The following IPO7 variants were observed in gnomAD, a reference collection of about 807,000 sequenced individuals.
IPO7 encodes the protein importin 7.
Under a neutral mutation model 136.4 loss-of-function variants are expected in IPO7, and 13 were observed. The observed-to-expected ratio is 0.10, with a 90% CI of 0.06 to 0.15. The LOEUF (loss-of-function observed/expected upper bound fraction) is 0.15. Among genes scored for constraint, IPO7 ranks in the 10% least tolerant of loss-of-function variants. IPO7 has a pLI of 1.00. For synonymous variants in IPO7, 403 were observed against 404.4 expected (o/e 1.00, Z 0.04); for missense variants, 857 against 1,240.6 (o/e 0.69, Z 4.65).
At position 9,396,017 on chromosome 11, in the gene IPO7, C is replaced by T. The variant is rs573482762; in HGVS notation, c.85-7273C>T. Among the ~76,000 whole-genome samples, 3 of 152,202 alleles carry T rather than the reference C, an allele frequency of 2.0e-5. No individual in the cohort carries two copies. In the East Asian group the frequency reaches 5.8e-4, roughly 29 times the overall value. On this transcript the variant is annotated intron_variant, in intron 1 of 24. Coordinates refer to ENST00000379719, the MANE Select transcript of IPO7 (RefSeq NM_006391.3). The stretch of plus-strand genomic sequence containing the variant: ...GGATTACAGGCGTGAGCCACCATGC[C>T]TTGCTGAAAGTTATGCTTTTTTTCA...
Position 9,420,425 on chromosome 11 carries a change from T to TGAA in IPO7, c.747_749dup (p.Glu249dup). Reference sequence around the variant, plus strand: ...TCTTTTTAAAGGAAACACTTCAAGTTGAAGAAGATGATCGACCTGAGTTAC... The same window carrying TGAA: ...TCTTTTTAAAGGAAACACTTCAAGTTGAAGAAGAAGATGATCGACCTGAGTTAC... On this transcript the variant is annotated inframe_insertion, in exon 7 of 25. Coordinates refer to ENST00000379719, the MANE Select transcript of IPO7 (RefSeq NM_006391.3). 1 of 1,608,004 alleles carries TGAA rather than the reference T, an allele frequency of 6.2e-7. No individual in the cohort carries two copies. Among genetic ancestry groups the TGAA allele is most frequent in the Non-Finnish European group, 8.5e-7 (1 of 1,176,242 alleles).
intron 6 of IPO7, among the ~76,000 whole-genome samples, chr11:9,419,784 CTG>C (rs1403879850): frequency 6.6e-6 from 1 of 151,746 alleles, no homozygotes; most frequent in Non-Finnish European, 1.5e-5. Context: ...ACTTATATAT[CTG>C]AAACTAGATT....
intron 4 of IPO7, among the ~76,000 whole-genome samples, chr11:9,411,947 A>T (rs376986162): frequency 1.3e-5 from 2 of 152,318 alleles, no homozygotes; most frequent in East Asian, 3.9e-4. Context: ...TGGGTGATGG[A>T]CCTGTGATGC....
At chr11:9,390,831 G>A (rs942641696) in intron 1 of IPO7, among the ~76,000 whole-genome samples, 1 of 151,978 alleles carries the variant, frequency 6.6e-6, no homozygotes, top group African/African-American at 2.4e-5. Context: ...ATGCAGTGGC[G>A]CAGTCTTGGT....
intron 4 of IPO7, among the ~76,000 whole-genome samples, chr11:9,411,651 T>G (rs1854969705): frequency 6.6e-6 from 1 of 152,326 alleles, no homozygotes; most frequent in East Asian, 1.9e-4. Flanking sequence ...AAATTTTTTT[T>G]TAACAGAATA....
At chr11:9,387,961 A>G (rs1302124424) in intron 1 of IPO7, among the ~76,000 whole-genome samples, 1 of 148,714 alleles carries the variant, frequency 6.7e-6, no homozygotes, top group Non-Finnish European at 1.5e-5. Context: ...CAGCCTGACC[A>G]ACATGGAGAA....
At chr11:9,435,417 C>G (rs1855355719) in intron 19 of IPO7, among the ~76,000 whole-genome samples, 1 of 152,080 alleles carries the variant, frequency 6.6e-6, no homozygotes, top group Non-Finnish European at 1.5e-5. Context: ...AATGAATGTC[C>G]CCCTTTTGTT....
intron 1 of IPO7, among the ~76,000 whole-genome samples, chr11:9,393,723 C>A (rs1854669494): frequency 6.6e-6 from 1 of 151,624 alleles, no homozygotes; most frequent in Admixed American, 6.6e-5. Context: ...AATTCTCTAC[C>A]AAAGAGCATG....
Position 9,397,332 on chromosome 11 carries a change from T to TAAAAAAAAAAAAAA in IPO7, c.85-5958_85-5957insAAAAAAAAAAAAAA, listed in dbSNP as rs757736784. On this transcript the variant is annotated intron_variant, in intron 1 of 24. Coordinates refer to ENST00000379719, the MANE Select transcript of IPO7 (RefSeq NM_006391.3). ...AAACCCCGTCTTTACTAAAAATAAT[T>TAAAAAAAAAAAAAA]TAAAAAAAAATATATATATATATAT... is the stretch of plus-strand genomic sequence containing the variant. Among the ~76,000 whole-genome samples the TAAAAAAAAAAAAAA allele has an allele frequency of 7.7e-3, 94 of 12,130 alleles. 35 individuals are homozygous for TAAAAAAAAAAAAAA. The highest frequency in any genetic ancestry group is 0.053 in the East Asian group (7 of 132). The allele number at this position is 12,130 out of a possible 152,430, so 8.0% of individuals were successfully genotyped here.
In IPO7 at chr11:9,423,107, T is replaced by G. The variant is rs753290312; in HGVS notation, c.1008T>G (p.Ala336=). 6.3e-7 allele frequency: 1 copy of G among 1,591,782 alleles called. No individual in the cohort carries two copies. The highest frequency in any genetic ancestry group is 2.2e-5 in the East Asian group (1 of 44,678). ...LNYINQGVSH[A]LTWKNLKPHI... The stretch of plus-strand genomic sequence containing the variant: ...ATATTAATCAAGGAGTTTCTCATGC[T>G]CTCACCTGGAAGAATCTGAAGCCCC... Residue 336 remains alanine, a synonymous_variant, in exon 9 of 25, where the codon GCT becomes GCG. Transcript: ENST00000379719.
At chr11:9,438,396 G>A in intron 22 of IPO7, 111 bp downstream of exon 22, 1 of 691,848 alleles carries the variant, frequency 1.4e-6, no homozygotes. Flanking sequence ...GGAGGCTGAG[G>A]CAGGTGGATC....
chr11:9,434,236 T>C (rs958694493), intron 18 of IPO7, among the ~76,000 whole-genome samples: 119 of 152,150 alleles, frequency 7.8e-4, no homozygotes, highest in African/African-American at 2.5e-3. Context: ...ACGTACACTT[T>C]TGAATGTTCA....
In IPO7 at chr11:9,384,729, ACCCGAGC is replaced by A. The variant is rs1307777807; in HGVS notation, c.-30_-24del. ...GTGGCGCTATTCCTGGCCCAGTAGCACCCGAGCCCCGGGTTTGACCGAGTCCGCGCTG... is the reference window on the plus strand; with the variant it reads ...GTGGCGCTATTCCTGGCCCAGTAGCACCCGGGTTTGACCGAGTCCGCGCTG... On this transcript the variant is annotated 5_prime_UTR_variant, in exon 1 of 25. It removes the in-frame stop codon of an upstream open reading frame in the 5' UTR. Transcript: ENST00000379719. 1 of 1,540,358 alleles carries A rather than the reference ACCCGAGC, an allele frequency of 6.5e-7. No individual in the cohort carries two copies. The highest frequency in any genetic ancestry group is 8.8e-7 in the Non-Finnish European group (1 of 1,134,096).
rs775385065 is a variant in IPO7 at position 9,414,244 on chromosome 11, C to T, written c.480-11C>T. ...AATTCTTACAGAATTAGTTTGTATT[C>T]CTACTCAAAGGTATAAAAAACCAGA... On this transcript the variant is annotated splice_polypyrimidine_tract_variant and intron_variant, in intron 4 of 24. Coordinates refer to ENST00000379719, the MANE Select transcript of IPO7 (RefSeq NM_006391.3). 15 of 1,589,826 alleles carry T rather than the reference C, an allele frequency of 9.4e-6. No individual in the cohort carries two copies. In the East Asian group the frequency reaches 3.4e-4, roughly 36 times the overall value.
intron 22 of IPO7, among the ~76,000 whole-genome samples, chr11:9,439,665 T>TC (rs1399075886): frequency 2.6e-5 from 4 of 151,914 alleles, no homozygotes; most frequent in African/African-American, 4.8e-5. Context: ...AACCTCCGAC[T>TC]CCCGGGTTCA....
intron 12 of IPO7, among the ~76,000 whole-genome samples, chr11:9,425,879 C>CAA (rs777336158): frequency 3.0e-5 from 2 of 66,968 alleles, no homozygotes; most frequent in African/African-American, 5.8e-5. Context: ...ACTCTGTCTC[C>CAA]AAAAAAAAAA....
At chr11:9,406,104 CTTT>C (rs71062847) in intron 2 of IPO7, among the ~76,000 whole-genome samples, 2 of 61,816 alleles carry the variant, frequency 3.2e-5, no homozygotes, top group Non-Finnish European at 5.2e-5. Flanking sequence ...TGAGGCTGGT[CTTT>C]TTTTTTTTTT....
At position 9,440,501 on chromosome 11, in the gene IPO7, A is replaced by G. The variant is rs1232724899; in HGVS notation, c.2742A>G (p.Glu914=). The change falls in exon 23 of 25, where the codon GAA becomes GAG. Residue 914 remains glutamate, a synonymous_variant. Transcript: ENST00000379719. ...DEDDIDEDGQ[E]YLEILAKQAG... ...ATGATATTGATGAAGATGGGCAAGAATATTTGGAGATTCTGGCTAAGCAGG... is the reference window on the plus strand; with the variant it reads ...ATGATATTGATGAAGATGGGCAAGAGTATTTGGAGATTCTGGCTAAGCAGG... The G allele has an allele frequency of 3.7e-6, 6 of 1,614,118 alleles. No homozygotes were observed. Among genetic ancestry groups the G allele is most frequent in the Non-Finnish European group, 5.1e-6 (6 of 1,179,970 alleles).
intron 24 of IPO7, among the ~76,000 whole-genome samples, chr11:9,443,047 T>C (rs1855480320): frequency 6.6e-6 from 1 of 150,958 alleles, no homozygotes; most frequent in Non-Finnish European, 1.5e-5. Context: ...CAAAAAAAAC[T>C]AGAGAACACA....
Sources: gnomAD v4.1 joint callset for allele counts (sites outside exome capture counted in the v4.1 genomes callset) on GRCh38, gnomAD v4.1.1 for gene constraint, MANE v1.5 for transcripts, NCBI Gene and HGNC (gene_info 2026-07-23, HGNC 2026-07-21) for gene names.